Variants in SSBP2 observed in about 807,000 individuals in gnomAD.
The protein encoded by SSBP2 is single-stranded DNA-binding protein 2.
A neutral mutation model predicts 61.8 loss-of-function variants in SSBP2; 17 were observed. That is an observed-to-expected ratio of 0.28 (90% CI 0.19 to 0.41). SSBP2 has a LOEUF of 0.41. Among genes scored for constraint, SSBP2 ranks in the 10% least tolerant of loss-of-function variants. SSBP2 has a pLI of 1.00. For missense variants in SSBP2, 310 were observed against 458.7 expected (o/e 0.68, Z 2.96); for synonymous variants, 139 against 141.3 (o/e 0.98, Z 0.12).
chr5:81,689,299 G>A lies in SSBP2; in HGVS notation c.63-38960C>T, dbSNP rs569824361. On this transcript the variant is annotated intron_variant, in intron 1 of 16. Transcript: ENST00000320672. ...TGGTAGAAAAAGAGATAAGGGTAGA[G>A]ACTATTCAAAGGAATAATAACAGAA... Among the ~76,000 whole-genome samples, 290 of 152,202 alleles carry A rather than the reference G, an allele frequency of 1.9e-3. 6 individuals carry two copies. Among genetic ancestry groups the A allele is most frequent in the South Asian group, 3.7e-3 (18 of 4,816 alleles).
chr5:81,654,003 T>A (rs188422836), intron 1 of SSBP2, among the ~76,000 whole-genome samples: 2 of 151,860 alleles, frequency 1.3e-5, no homozygotes, highest in African/African-American at 4.8e-5. Flanking sequence ...GTTTTGTTTT[T>A]TTTTTTGAGA....
intron 4 of SSBP2, among the ~76,000 whole-genome samples, chr5:81,530,596 C>T (rs1770315988): frequency 6.6e-6 from 1 of 151,998 alleles, no homozygotes; most frequent in African/African-American, 2.4e-5. Flanking sequence ...CAAATCACTT[C>T]TTCAAGTGAA....
chr5:81,628,179 G>A (rs2153649716), intron 3 of SSBP2, among the ~76,000 whole-genome samples: 1 of 152,320 alleles, frequency 6.6e-6, no homozygotes, highest in Non-Finnish European at 1.5e-5. Flanking sequence ...TGGCTGGGGA[G>A]GCCTCAGGAA....
chr5:81,749,456 A>T (rs1232726561), intron 1 of SSBP2, among the ~76,000 whole-genome samples: 1 of 152,178 alleles, frequency 6.6e-6, no homozygotes. Flanking sequence ...TGCCTAAACC[A>T]AGGAGGGAAA....
chr5:81,655,466 C>G (rs921340091), intron 1 of SSBP2, among the ~76,000 whole-genome samples: 3 of 151,968 alleles, frequency 2.0e-5, no homozygotes, highest in African/African-American at 7.2e-5. Flanking sequence ...ATTAATGGAT[C>G]ATACATCTTT....
At chr5:81,742,807 T>G (rs977813481) in intron 1 of SSBP2, among the ~76,000 whole-genome samples, 3 of 151,510 alleles carry the variant, frequency 2.0e-5, no homozygotes, top group Non-Finnish European at 4.4e-5. Context: ...ACCTGGGGGG[T>G]GTGTGGAAGT....
chr5:81,432,947 C>T (rs1283368525), intron 15 of SSBP2, among the ~76,000 whole-genome samples: 2 of 144,100 alleles, frequency 1.4e-5, no homozygotes, highest in South Asian at 2.2e-4. Context: ...GGGGTCAGCC[C>T]CCCGCCCAGC....
chr5:81,613,074 T>G (rs946605337), intron 4 of SSBP2, among the ~76,000 whole-genome samples: 3 of 152,124 alleles, frequency 2.0e-5, no homozygotes, highest in African/African-American at 7.2e-5. Flanking sequence ...TAGGTCAAAC[T>G]CTATCTTTTC....
chr5:81,624,521 G>T (rs1396605344), intron 3 of SSBP2, among the ~76,000 whole-genome samples: 2 of 152,088 alleles, frequency 1.3e-5, no homozygotes, highest in Non-Finnish European at 2.9e-5. Flanking sequence ...GCTCTAATAA[G>T]CATTTCCTTT....
At chr5:81,431,588 C>T (rs1762293938) in intron 15 of SSBP2, among the ~76,000 whole-genome samples, 1 of 151,902 alleles carries the variant, frequency 6.6e-6, no homozygotes, top group African/African-American at 2.4e-5. Flanking sequence ...TACATATCTT[C>T]TTCTCTCTTT....
At chr5:81,596,074 T>C (rs941227025) in intron 4 of SSBP2, among the ~76,000 whole-genome samples, 7 of 152,278 alleles carry the variant, frequency 4.6e-5, no homozygotes, top group African/African-American at 1.7e-4. Flanking sequence ...GACATGATTG[T>C]ATATCTAGAA....
intron 1 of SSBP2, among the ~76,000 whole-genome samples, chr5:81,735,080 A>G (rs1395562196): frequency 6.6e-6 from 1 of 152,124 alleles, no homozygotes; most frequent in South Asian, 2.1e-4. Flanking sequence ...TGATCAAAGC[A>G]CTTAAGAATT....
chr5:81,461,100 A>G lies in SSBP2; in HGVS notation c.642T>C (p.Gly214=). ...TTGGCCAAGGTCTACCACCACCTGG[A>G]CCCCTACAAAACAATTTGATAAATG... is the stretch of plus-strand genomic sequence containing the variant. Residue 214 remains glycine (G), a synonymous_variant, in exon 10 of 17, where the codon GGT becomes GGC. Coordinates refer to ENST00000320672, the MANE Select transcript of SSBP2 (RefSeq NM_012446.5). 9 of 1,589,274 alleles carry G rather than the reference A, an allele frequency of 5.7e-6. No homozygotes were observed. Among genetic ancestry groups the G allele is most frequent in the South Asian group, 1.2e-5 (1 of 85,872 alleles).
At chr5:81,543,635 T>C (rs1297404419) in intron 4 of SSBP2, among the ~76,000 whole-genome samples, 1 of 152,032 alleles carries the variant, frequency 6.6e-6, no homozygotes, top group Non-Finnish European at 1.5e-5. Flanking sequence ...AACCTACATA[T>C]ATGTATCCTC....
chr5:81,617,975 C>T (rs1247290682), intron 3 of SSBP2, among the ~76,000 whole-genome samples: 27 of 134,676 alleles, frequency 2.0e-4, no homozygotes, highest in Non-Finnish European at 3.0e-4. Flanking sequence ...AAAGGAACAA[C>T]CGGTACCAGC....
intron 6 of SSBP2, among the ~76,000 whole-genome samples, chr5:81,478,902 T>C (rs955827860): frequency 5.3e-5 from 8 of 152,244 alleles, no homozygotes; most frequent in African/African-American, 1.9e-4. Context: ...AACTTTACTG[T>C]TTCTAGTATA....
Position 81,456,668 on chromosome 5 carries a change from T to C in SSBP2, c.687+4387A>G, listed in dbSNP as rs1203302217. Among the ~76,000 whole-genome samples, 4 of 152,220 alleles carry C rather than the reference T, an allele frequency of 2.6e-5. 1 individual carries two copies. Among genetic ancestry groups the C allele is most frequent in the South Asian group, 4.2e-4 (2 of 4,818 alleles). On this transcript the variant is annotated intron_variant, in intron 10 of 16. Coordinates refer to ENST00000320672, the MANE Select transcript of SSBP2 (RefSeq NM_012446.5). ...CTAAGTAAGAATCTGAGACCAATACTGTAATGCTCAGGGGTAAGAAAATTA... is the reference window on the plus strand; with the variant it reads ...CTAAGTAAGAATCTGAGACCAATACCGTAATGCTCAGGGGTAAGAAAATTA...
At chr5:81,626,330 C>A (rs1467900852) in intron 3 of SSBP2, among the ~76,000 whole-genome samples, 1 of 152,178 alleles carries the variant, frequency 6.6e-6, no homozygotes, top group African/African-American at 2.4e-5. Context: ...TACGAAGTAT[C>A]ACATATTCAA....
chr5:81,693,851 T>A (rs1048831884), intron 1 of SSBP2, among the ~76,000 whole-genome samples: 20 of 151,944 alleles, frequency 1.3e-4, no homozygotes, highest in Non-Finnish European at 2.8e-4. Context: ...AGAAAGAAAA[T>A]CAGTATATTG....
Sources: gnomAD v4.1 joint callset for allele counts (sites outside exome capture counted in the v4.1 genomes callset) on GRCh38, gnomAD v4.1.1 for gene constraint, MANE v1.5 for transcripts, NCBI Gene and HGNC (gene_info 2026-07-23, HGNC 2026-07-21) for gene names.